Variants in ZNF66 observed in about 807,000 individuals in gnomAD.
ZNF66 encodes putative zinc finger protein 66.
ZNF66 carries 32 observed loss-of-function variants against 35.2 expected under a neutral mutation model. The observed-to-expected ratio is 0.91, with a 90% CI of 0.69 to 1.22. ZNF66 has a LOEUF of 1.22. Ranked by LOEUF, ZNF66 falls within the 50% of genes most tolerant of loss-of-function variation. ZNF66 has a pLI of 0.00. For synonymous variants in ZNF66, 231 were observed against 181.3 expected, an observed-to-expected ratio of 1.27 and a Z score of -2.20; for missense variants, 666 against 543.1, an observed-to-expected ratio of 1.23 and a Z score of -2.25.
Position 20,776,369 on chromosome 19 carries a change from C to T in ZNF66, c.-79C>T. On this transcript the variant is annotated 5_prime_UTR_variant, in exon 1 of 4. Coordinates refer to ENST00000344519, the MANE Select transcript of ZNF66 (RefSeq NM_001355197.2). ...GCTCTCTGTCTTCTTCTCCTAGAGG[C>T]CCAGCCTCTGTGGCCCTGTGTCCTG... 6.6e-7 allele frequency: 1 copy of T among 1,514,554 alleles called. No homozygotes were observed. The highest frequency in any genetic ancestry group is 9.2e-7 in the Non-Finnish European group (1 of 1,091,906). The allele number at this position is 1,514,554 out of a possible 1,614,324, so 93.8% of individuals were successfully genotyped here. A position where few individuals can be genotyped will look rare whatever the true frequency, so the allele number is the denominator to read the frequency against.
At chr19:20,802,081 C>T (rs1216968913) in intron 3 of ZNF66, among the ~76,000 whole-genome samples, 1 of 152,020 alleles carries the variant, frequency 6.6e-6, no homozygotes, top group Non-Finnish European at 1.5e-5. Context: ...TATTGGTTTA[C>T]TTTTTCACCT....
intron 3 of ZNF66, chr19:20,799,537 G>C (rs1239997330): frequency 6.6e-6 from 1 of 152,054 alleles, no homozygotes; most frequent in East Asian, 1.9e-4. Flanking sequence ...CTACAAATTA[G>C]TAATTTTGTG....
chr19:20,776,539 C>G, intron 1 of ZNF66, 89 bp downstream of exon 1: 1 of 1,425,312 alleles, frequency 7.0e-7, no homozygotes, highest in Non-Finnish European at 9.9e-7. Flanking sequence ...AATCTGCACC[C>G]CGAATTCTCC....
Position 20,806,636 on chromosome 19 carries a change from T to G in ZNF66, c.1036T>G (p.Cys346Gly). The part of the protein sequence containing the change: ...TGEKPYKCEE[C>G]GKGFKYSSTL... ...AGAGAAACCCTACAAATGTGAAGAA[T>G]GTGGCAAAGGCTTTAAGTACTCCTC... The change falls in exon 4 of 4, where the codon TGT becomes GGT. Residue 346 changes from cysteine (C) to glycine (G), a missense_variant. Cys to Gly is a radical substitution (Grantham distance 159). Coordinates refer to ENST00000344519, the MANE Select transcript of ZNF66 (RefSeq NM_001355197.2). 1 of 1,574,424 alleles carries G rather than the reference T, an allele frequency of 6.4e-7. No individual in the cohort carries two copies. Among genetic ancestry groups the G allele is most frequent in the East Asian group, 2.2e-5 (1 of 44,664 alleles).
rs781013409 is a variant in ZNF66, at chr19:20,806,746, T to A, written c.1146T>A (p.Cys382Ter). The change falls in exon 4 of 4, where the codon TGT becomes TGA. Residue 382 changes from cysteine (C) to a stop codon, truncating the protein, a stop_gained. Coordinates refer to ENST00000344519, the MANE Select transcript of ZNF66 (RefSeq NM_001355197.2). LOFTEE classifies it high-confidence loss of function. ...GTGGTGAAGCCTTTAAGTACTCCTG[T>A]TCCCTTACTGCACATAAGATAATTC... ...EECGEAFKYS[C>*]SLTAHKIIHT... 7.4e-7 allele frequency: 1 copy of A among 1,352,942 alleles called. No homozygotes were observed. The highest frequency in any genetic ancestry group is 1.7e-5 in the Admixed American group (1 of 59,352). The allele number at this position is 1,352,942 out of a possible 1,614,324, so 83.8% of individuals were successfully genotyped here. A position where few individuals can be genotyped will look rare whatever the true frequency, so the allele number is the denominator to read the frequency against.
rs562075365 is a variant in ZNF66 at position 20,804,579 on chromosome 19, T to C, written c.227-1248T>C. On this transcript the variant is annotated intron_variant, in intron 3 of 3. Coordinates refer to ENST00000344519, the MANE Select transcript of ZNF66 (RefSeq NM_001355197.2). ...ATATTTTTGAGACAGGCTTCCTCTG[T>C]TGTCCAGGCTGTAGTGCAGAGGTAC... 2.1e-4 allele frequency among the ~76,000 whole-genome samples: 32 copies of C among 152,294 alleles called. 1 individual carries two copies. In the South Asian group the frequency reaches 5.8e-3, roughly 28 times the overall value.
At chr19:20,778,404 G>A (rs1048377155) in intron 1 of ZNF66, among the ~76,000 whole-genome samples, 2 of 152,172 alleles carry the variant, frequency 1.3e-5, no homozygotes, top group African/African-American at 4.8e-5. Flanking sequence ...CCGGCCTACT[G>A]CATTATTTTT....
intron 1 of ZNF66, among the ~76,000 whole-genome samples, chr19:20,786,052 GTCAC>G (rs1971284323): frequency 6.6e-6 from 1 of 152,060 alleles, no homozygotes; most frequent in Non-Finnish European, 1.5e-5. Context: ...ACAGGTGTGA[GTCAC>G]TACTCCCAGC....
chr19:20,793,833 A>G lies in ZNF66; in HGVS notation c.181A>G (p.Lys61Glu). ...CATCACCCATCTGGAGCAAGGAAAA[A>G]AACCTTCGACTATGCAGAGACATGA... ...DLITHLEQGK[K>E]PSTMQRHEMV... The change falls in exon 3 of 4, where the codon AAA becomes GAA. Residue 61 changes from lysine to glutamate, a missense_variant. Physicochemically the swap from Lys to Glu is moderately conservative, Grantham distance 56. Transcript: ENST00000344519. 8.5e-7 allele frequency: 1 copy of G among 1,170,638 alleles called. No individual in the cohort carries two copies. The allele number at this position is 1,170,638 out of a possible 1,614,324, so 72.5% of individuals were successfully genotyped here. A position where few individuals can be genotyped will look rare whatever the true frequency, so the allele number is the denominator to read the frequency against.
chr19:20,787,964 G>A (rs963764192), intron 1 of ZNF66, among the ~76,000 whole-genome samples: 1 of 152,288 alleles, frequency 6.6e-6, no homozygotes, highest in African/African-American at 2.4e-5. Context: ...AATCACCTAG[G>A]TGTCTTTGAG....
intron 3 of ZNF66, among the ~76,000 whole-genome samples, chr19:20,804,951 C>G (rs1971485311): frequency 6.6e-6 from 1 of 152,134 alleles, no homozygotes; most frequent in Non-Finnish European, 1.5e-5. Flanking sequence ...CAGACTCAAA[C>G]TGTTAATCCA....
intron 2 of ZNF66, among the ~76,000 whole-genome samples, chr19:20,793,327 C>CTTTATT (rs1971358113): frequency 1.3e-5 from 1 of 74,726 alleles, no homozygotes; most frequent in Non-Finnish European, 2.6e-5. Context: ...CTTTTCTTTT[C>CTTTATT]TTTTCTTTTT....
At chr19:20,800,247 C>A (rs936830171) in intron 3 of ZNF66, among the ~76,000 whole-genome samples, 1 of 152,122 alleles carries the variant, frequency 6.6e-6, no homozygotes, top group Non-Finnish European at 1.5e-5. Flanking sequence ...AAACTTTTGG[C>A]CCCAGTGGAT....
rs774074164 is a variant in ZNF66 at position 20,792,493 on chromosome 19, G to C, written c.4-19G>C. The stretch of plus-strand genomic sequence containing the variant: ...GCCCATAACCACTTGGTGAAAATGT[G>C]TGTGTGTATATTTTTCAGGGGCCAT... On this transcript the variant is annotated intron_variant, in intron 1 of 3. Coordinates refer to ENST00000344519, the MANE Select transcript of ZNF66 (RefSeq NM_001355197.2). 2 of 1,493,084 alleles carry C rather than the reference G, an allele frequency of 1.3e-6. No individual in the cohort carries two copies. The highest frequency in any genetic ancestry group is 1.8e-6 in the Non-Finnish European group (2 of 1,086,912). The allele number at this position is 1,493,084 out of a possible 1,614,324, so 92.5% of individuals were successfully genotyped here.
chr19:20,809,371 A>G lies in ZNF66; in HGVS notation c.*2049A>G, dbSNP rs1971564193. Among the ~76,000 whole-genome samples, 1 of 152,172 alleles carries G rather than the reference A, an allele frequency of 6.6e-6. No individual in the cohort carries two copies. The highest frequency in any genetic ancestry group is 1.5e-5 in the Non-Finnish European group (1 of 67,978). On this transcript the variant is annotated 3_prime_UTR_variant, in exon 4 of 4. Coordinates refer to ENST00000344519, the MANE Select transcript of ZNF66 (RefSeq NM_001355197.2). ...CTTGAGAAGAGCAACTCCAAGACACATAATTGTCAGATTCACCAAAGTTGA... is the reference window on the plus strand; with the variant it reads ...CTTGAGAAGAGCAACTCCAAGACACGTAATTGTCAGATTCACCAAAGTTGA...
At chr19:20,803,575 A>G (rs1445080085) in intron 3 of ZNF66, among the ~76,000 whole-genome samples, 2 of 152,038 alleles carry the variant, frequency 1.3e-5, no homozygotes, top group Admixed American at 1.3e-4. Flanking sequence ...TAATTTCTAT[A>G]GTTTTTATCT....
intron 3 of ZNF66, among the ~76,000 whole-genome samples, chr19:20,803,178 C>G (rs1437446299): frequency 4.0e-5 from 5 of 124,192 alleles, no homozygotes; most frequent in African/African-American, 1.5e-4. Context: ...TTTTAATAAA[C>G]CTTTTTATTT....
chr19:20,786,788 G>A (rs925540213), intron 1 of ZNF66, among the ~76,000 whole-genome samples: 1 of 152,198 alleles, frequency 6.6e-6, no homozygotes, highest in Admixed American at 6.5e-5. Flanking sequence ...TTGAGATGGA[G>A]TTTCAATCTT....
rs60295293 is a variant in ZNF66 at position 20,805,126 on chromosome 19, TGAGA to T, written c.227-679_227-676del. Among the ~76,000 whole-genome samples, 316 of 146,058 alleles carry T rather than the reference TGAGA, an allele frequency of 2.2e-3. 1 individual carries two copies. The highest frequency in any genetic ancestry group is 7.3e-3 in the African/African-American group (290 of 39,526). ...TTACATTTGTGTGTGTGTGTGTGTGTGAGAGAGAGAGAGAGAGAGAGAGAGTCTC... is the reference window on the plus strand; with the variant it reads ...TTACATTTGTGTGTGTGTGTGTGTGTGAGAGAGAGAGAGAGAGAGAGTCTC... On this transcript the variant is annotated intron_variant, in intron 3 of 3. Transcript: ENST00000344519.
Sources: allele counts gnomAD v4.1 joint callset (sites outside exome capture counted in the v4.1 genomes callset), GRCh38; gene constraint gnomAD v4.1.1; transcripts MANE v1.5; gene names NCBI Gene and HGNC (gene_info 2026-07-23, HGNC 2026-07-21).